NYAP2: variants seen among roughly 807,000 people sequenced by gnomAD.
NYAP2 encodes neuronal tyrosine-phosphorylated phosphoinositide-3-kinase adapter 2.
A neutral mutation model predicts 50.4 loss-of-function variants in NYAP2; 23 were observed. That is an observed-to-expected ratio of 0.46 (90% CI 0.33 to 0.65). The LOEUF is 0.65. Ranked by LOEUF, NYAP2 falls within the 30% of genes least tolerant of loss-of-function variation. NYAP2 has a pLI of 0.02. For synonymous variants in NYAP2, 394 were observed against 365.2 expected (o/e 1.08, Z -0.90); for missense variants, 885 against 861.0 (o/e 1.03, Z -0.35).
At chr2:225,460,420 A>G (rs146645621) in intron 3 of NYAP2, among the ~76,000 whole-genome samples, 1 of 152,280 alleles carries the variant, frequency 6.6e-6, no homozygotes, top group East Asian at 1.9e-4. Context: ...CTGAGTTACA[A>G]AATAAAGTCA....
chr2:225,594,809 G>A (rs1692569153), intron 5 of NYAP2, among the ~76,000 whole-genome samples: 1 of 152,152 alleles, frequency 6.6e-6, no homozygotes, highest in African/African-American at 2.4e-5. Flanking sequence ...ACTCATTATT[G>A]TTGTTGCTGG....
At chr2:225,428,723 C>T (rs1695322956) in intron 3 of NYAP2, among the ~76,000 whole-genome samples, 2 of 152,164 alleles carry the variant, frequency 1.3e-5, no homozygotes, top group South Asian at 4.1e-4. Context: ...AAACGTGATT[C>T]CTGGGAAAGC....
intron 5 of NYAP2, among the ~76,000 whole-genome samples, chr2:225,589,543 T>TATATATATATATATATA (rs1553553414): frequency 8.3e-5 from 4 of 48,158 alleles, no homozygotes; most frequent in Admixed American, 2.6e-4. Context: ...ATATATATAT[T>TATATATATATATATATA]TAATAGCTGG....
the NYAP2 span, chr2:225,702,480 A>C: frequency 6.6e-6 from 1 of 151,840 alleles, no homozygotes; most frequent in African/African-American, 2.4e-5. Context: ...GAAGATATAC[A>C]ATTGTGTTTA....
intron 4 of NYAP2, among the ~76,000 whole-genome samples, chr2:225,515,469 A>ATG (rs112169506): frequency 0.054 from 8,094 of 149,708 alleles, 611 homozygotes; most frequent in African/African-American, 0.17. Context: ...ATGAACATTC[A>ATG]TGTGTGTGTG....
Position 225,641,557 on chromosome 2 carries a change from G to A in NYAP2, c.1829-9875G>A, listed in dbSNP as rs751547167. On this transcript the variant is annotated intron_variant, in intron 6 of 6. Transcript: ENST00000636099. ...AGGCCAGGTGCGGTGGCTCACGTCCGTTATCCCAGCACTTTGGGAGGCCGA... is the reference window on the plus strand; with the variant it reads ...AGGCCAGGTGCGGTGGCTCACGTCCATTATCCCAGCACTTTGGGAGGCCGA... 8.2e-4 allele frequency among the ~76,000 whole-genome samples: 124 copies of A among 151,422 alleles called. 1 individual carries two copies. Among genetic ancestry groups the A allele is most frequent in the Non-Finnish European group, 2.6e-4 (18 of 67,968 alleles).
chr2:225,650,961 A>C (rs1195481538), intron 6 of NYAP2, among the ~76,000 whole-genome samples: 2 of 152,262 alleles, frequency 1.3e-5, no homozygotes, highest in African/African-American at 4.8e-5. Flanking sequence ...AATGAAAATC[A>C]AGATGAGTTG....
intron 5 of NYAP2, among the ~76,000 whole-genome samples, chr2:225,602,304 G>T (rs186583489): frequency 3.3e-5 from 5 of 152,294 alleles, no homozygotes; most frequent in Admixed American, 1.3e-4. Context: ...GGAGAGGTAG[G>T]CATATGTAAA....
chr2:225,433,495 T>C (rs1432949590), intron 3 of NYAP2, among the ~76,000 whole-genome samples: 1 of 151,994 alleles, frequency 6.6e-6, no homozygotes, highest in Non-Finnish European at 1.5e-5. Flanking sequence ...TATAGTCAAA[T>C]TTTTAAAGGG....
At chr2:225,456,690 C>T (rs1365417525) in intron 3 of NYAP2, among the ~76,000 whole-genome samples, 1 of 152,154 alleles carries the variant, frequency 6.6e-6, no homozygotes, top group Non-Finnish European at 1.5e-5. Flanking sequence ...CACCCCATTC[C>T]TAGACCACAT....
intron 3 of NYAP2, among the ~76,000 whole-genome samples, chr2:225,464,332 C>T (rs529234968): frequency 6.6e-6 from 1 of 152,264 alleles, no homozygotes; most frequent in East Asian, 1.9e-4. Flanking sequence ...CACAAGGGCA[C>T]CTTGTGATAA....
intron 3 of NYAP2, among the ~76,000 whole-genome samples, chr2:225,418,998 G>A (rs2106125494): frequency 6.6e-6 from 1 of 152,242 alleles, no homozygotes; most frequent in South Asian, 2.1e-4. Context: ...TTGCAAAACT[G>A]AAACTTTACA....
chr2:225,536,012 A>G (rs1691343650), intron 4 of NYAP2, among the ~76,000 whole-genome samples: 1 of 152,200 alleles, frequency 6.6e-6, no homozygotes, highest in African/African-American at 2.4e-5. Context: ...TTGCAATTCA[A>G]AAGATTCCAA....
intron 5 of NYAP2, among the ~76,000 whole-genome samples, chr2:225,622,612 C>A (rs1693140071): frequency 6.8e-6 from 1 of 146,002 alleles, no homozygotes; most frequent in Non-Finnish European, 1.5e-5. Context: ...CAAAGTCTCG[C>A]CCTGTTGCCC....
At chr2:225,443,514 G>A (rs1482609905) in intron 3 of NYAP2, among the ~76,000 whole-genome samples, 1 of 152,030 alleles carries the variant, frequency 6.6e-6, no homozygotes, top group Non-Finnish European at 1.5e-5. Context: ...ACTACGTACT[G>A]GAGCTGAACC....
chr2:225,520,549 T>G (rs1448287241), intron 4 of NYAP2, among the ~76,000 whole-genome samples: 1 of 152,220 alleles, frequency 6.6e-6, no homozygotes, highest in African/African-American at 2.4e-5. Flanking sequence ...CCATTGCTTG[T>G]TTTTCTCAGG....
chr2:225,428,196 A>G (rs1041738421), intron 3 of NYAP2, among the ~76,000 whole-genome samples: 1 of 152,146 alleles, frequency 6.6e-6, no homozygotes, highest in East Asian at 1.9e-4. Context: ...AATGAAGTTT[A>G]TTGTCATTTA....
chr2:225,559,769 G>A (rs1691840900), intron 4 of NYAP2, among the ~76,000 whole-genome samples: 1 of 151,886 alleles, frequency 6.6e-6, no homozygotes, highest in African/African-American at 2.4e-5. Flanking sequence ...GCTTTATAAG[G>A]TATATTTTTC....
chr2:225,663,750 G>A, the NYAP2 span, among the ~76,000 whole-genome samples: 2 of 152,080 alleles, frequency 1.3e-5, no homozygotes, highest in Non-Finnish European at 2.9e-5. Flanking sequence ...TAGAGACGGG[G>A]TTTCACCATG....
Sources: allele counts gnomAD v4.1 joint callset (sites outside exome capture counted in the v4.1 genomes callset), GRCh38; gene constraint gnomAD v4.1.1; transcripts MANE v1.5; gene names NCBI Gene and HGNC (gene_info 2026-07-23, HGNC 2026-07-21).